TENM1: variants seen among roughly 807,000 people sequenced by gnomAD.
TENM1 encodes the protein teneurin-1.
In TENM1, 35 loss-of-function variants were observed where a neutral mutation model predicts 174.8. The ratio of observed to expected loss-of-function variants is 0.20; its 90% CI spans 0.15 to 0.27. TENM1 has a LOEUF of 0.27. Among genes scored for constraint, TENM1 ranks in the 10% least tolerant of loss-of-function variants. TENM1 has a pLI of 1.00. For synonymous variants in TENM1, 781 were observed against 798.7 expected (o/e 0.98, Z 0.37); for missense variants, 1,633 against 2,130.1 (o/e 0.77, Z 4.59).
At chrX:125,099,328 C>T in the TENM1 span, among the ~76,000 whole-genome samples, 1 of 112,119 alleles carries the variant, frequency 8.9e-6, no homozygotes, top group African/African-American at 3.2e-5. Flanking sequence ...ATGCTTTTGT[C>T]AGAGTATAAA....
rs148502267 is a variant in TENM1, at chrX:124,803,899, T to A, written c.536-66702A>T. On this transcript the variant is annotated intron_variant, in intron 3 of 31. Transcript: ENST00000422452. ...TGGCATTGTGCAAATAAATGACAAC[T>A]TGAAGCATTGGGTAATTAAGACTAC... Among the ~76,000 whole-genome samples the A allele has an allele frequency of 6.5e-3, 735 of 112,521 alleles. 5 individuals carry two copies. The highest frequency in any genetic ancestry group is 0.023 in the African/African-American group (708 of 30,990).
chrX:125,172,613 A>T, the TENM1 span, among the ~76,000 whole-genome samples: 1 of 111,472 alleles, frequency 9.0e-6, no homozygotes, highest in Admixed American at 9.6e-5. Context: ...AACTTGAGTA[A>T]ATCTACTGCA....
chrX:124,845,682 C>T (rs193013201), intron 3 of TENM1, among the ~76,000 whole-genome samples: 102 of 110,338 alleles, frequency 9.2e-4, no homozygotes, highest in Non-Finnish European at 1.5e-3. Context: ...GACCTTAGAG[C>T]AAAGCAAGGA....
chrX:124,804,209 A>G (rs949410195), intron 3 of TENM1, among the ~76,000 whole-genome samples: 1 of 112,171 alleles, frequency 8.9e-6, no homozygotes, highest in Non-Finnish European at 1.9e-5. Flanking sequence ...GTAGGACAAT[A>G]TGAAATTAGT....
chrX:124,524,856 C>T (rs944575724), intron 16 of TENM1, among the ~76,000 whole-genome samples: 7 of 111,550 alleles, frequency 6.3e-5, no homozygotes, highest in African/African-American at 2.3e-4. Context: ...AAAGCATAAA[C>T]TCCTATATAA....
chrX:124,405,933 A>C (rs1238248975), intron 26 of TENM1, among the ~76,000 whole-genome samples: 2 of 105,362 alleles, frequency 1.9e-5, no homozygotes, highest in East Asian at 5.9e-4. Context: ...TCTGTATCCT[A>C]AGATTTTCCT....
chrX:125,037,297 A>T, the TENM1 span, among the ~76,000 whole-genome samples: 1 of 110,335 alleles, frequency 9.1e-6, no homozygotes, highest in Admixed American at 9.7e-5. Flanking sequence ...CTGTAGCAAC[A>T]TCTATCCAGA....
At chrX:125,092,251 T>C in the TENM1 span, among the ~76,000 whole-genome samples, 2 of 111,110 alleles carry the variant, frequency 1.8e-5, no homozygotes, top group Admixed American at 9.6e-5. Flanking sequence ...CCTAATCAGC[T>C]TGTCAATCTA....
chrX:125,123,886 G>C, the TENM1 span, among the ~76,000 whole-genome samples: 2 of 112,066 alleles, frequency 1.8e-5, no homozygotes, highest in Non-Finnish European at 3.8e-5. Context: ...CATTATTATC[G>C]AACATATTTT....
At chrX:125,142,504 C>A in the TENM1 span, among the ~76,000 whole-genome samples, 1 of 109,710 alleles carries the variant, frequency 9.1e-6, no homozygotes, top group African/African-American at 3.3e-5. Context: ...CTGCTTTGGG[C>A]AACTCCATAT....
intron 11 of TENM1, among the ~76,000 whole-genome samples, chrX:124,573,962 A>C: frequency 8.9e-6 from 1 of 112,303 alleles, no homozygotes; most frequent in East Asian, 2.8e-4. Context: ...TTGTCTCATG[A>C]ATAGTTCTAT....
At chrX:124,432,132 ATCT>A (rs1265680882) in intron 23 of TENM1, among the ~76,000 whole-genome samples, 1 of 111,857 alleles carries the variant, frequency 8.9e-6, no homozygotes, top group Non-Finnish European at 1.9e-5. Flanking sequence ...AGTATATTTC[ATCT>A]TCTAATAATT....
chrX:124,901,873 A>C (rs2057669876), intron 1 of TENM1, among the ~76,000 whole-genome samples: 1 of 111,940 alleles, frequency 8.9e-6, no homozygotes, highest in African/African-American at 3.2e-5. Context: ...AAGTGTGATT[A>C]ATTTTAACCA....
chrX:125,058,773 G>A, the TENM1 span, among the ~76,000 whole-genome samples: 2 of 110,943 alleles, frequency 1.8e-5, no homozygotes, highest in Non-Finnish European at 3.8e-5. Flanking sequence ...GGAATGGGGT[G>A]GGGGTAAGTG....
chrX:124,619,539 T>G (rs1422181677), intron 11 of TENM1, among the ~76,000 whole-genome samples: 1 of 111,913 alleles, frequency 8.9e-6, no homozygotes, highest in African/African-American at 3.2e-5. Flanking sequence ...TGCCTCTTTG[T>G]GCATATGTAC....
intron 22 of TENM1, among the ~76,000 whole-genome samples, chrX:124,475,881 A>C (rs763264674): frequency 8.9e-6 from 1 of 111,870 alleles, no homozygotes; most frequent in Non-Finnish European, 1.9e-5. Context: ...CTATAGGATA[A>C]AATCCAAACT....
intron 1 of TENM1, among the ~76,000 whole-genome samples, chrX:124,957,067 A>G (rs898387644): frequency 3.6e-5 from 4 of 112,159 alleles, no homozygotes. Context: ...AAAAAGAGAG[A>G]AAATCATAGT....
chrX:124,602,000 A>G (rs1057060208), intron 11 of TENM1, among the ~76,000 whole-genome samples: 3 of 111,363 alleles, frequency 2.7e-5, no homozygotes, highest in African/African-American at 9.8e-5. Flanking sequence ...AAAAATTCAA[A>G]GTTGGATACT....
chrX:124,536,216 A>G (rs758169734), intron 15 of TENM1, among the ~76,000 whole-genome samples: 15 of 111,843 alleles, frequency 1.3e-4, no homozygotes, highest in Non-Finnish European at 2.1e-4. Context: ...AGCACTATGA[A>G]AACACTTAAT....
Sources: allele counts gnomAD v4.1 joint callset (sites outside exome capture counted in the v4.1 genomes callset), GRCh38; gene constraint gnomAD v4.1.1; transcripts MANE v1.5; gene names NCBI Gene and HGNC (gene_info 2026-07-23, HGNC 2026-07-21).